The following UNC79 variants were observed in gnomAD, a reference collection of about 807,000 sequenced individuals.
UNC79 encodes unc-79 subunit of NALCN channel complex, also known as protein unc-79 homolog.
In UNC79, 37 loss-of-function variants were observed where a neutral mutation model predicts 283.1. The observed-to-expected ratio is 0.13, with a 90% CI of 0.10 to 0.17. The LOEUF is 0.17. UNC79 is among the 10% of genes least tolerant of loss of function. The pLI is 1.00. For synonymous variants in UNC79, 1,107 were observed against 1,200.2 expected (o/e 0.92, Z 1.61); for missense variants, 2,272 against 3,211.1 (o/e 0.71, Z 7.07).
chr14:93,425,149 G>A (rs2140078411), intron 1 of UNC79, among the ~76,000 whole-genome samples: 1 of 152,266 alleles, frequency 6.6e-6, no homozygotes, highest in East Asian at 1.9e-4. Flanking sequence ...GAGGCCTCAG[G>A]AAACTTAACA....
In UNC79 at chr14:93,605,954, C is replaced by T. The variant is rs142202397; in HGVS notation, c.3754+2536C>T. Among the ~76,000 whole-genome samples the T allele has an allele frequency of 9.9e-5, 15 of 152,236 alleles. No individual in the cohort carries two copies. The East Asian group carries it at 1.3e-3, about 14-fold the overall frequency. The stretch of plus-strand genomic sequence containing the variant: ...CCTTGCCTTACACATCGCTCATGTA[C>T]GCTACTGTGCTGTGATTTTTTTTAA... On this transcript the variant is annotated intron_variant, in intron 26 of 48. Transcript: ENST00000555664.
At chr14:93,477,880 G>T in intron 4 of UNC79, 152 bp downstream of exon 4, 1 of 738,900 alleles carries the variant, frequency 1.4e-6, no homozygotes, top group Non-Finnish European at 2.1e-6. Context: ...CTTTAGCATG[G>T]ATATTATGGC....
At chr14:93,450,936 G>C (rs2056618517) in intron 1 of UNC79, among the ~76,000 whole-genome samples, 1 of 151,786 alleles carries the variant, frequency 6.6e-6, no homozygotes, top group Admixed American at 6.6e-5. Flanking sequence ...CTTTTATTTT[G>C]TCTTTTGCTG....
chr14:93,572,046 C>G (rs757531776), exon 15 of UNC79: 1 of 1,614,070 alleles, frequency 6.2e-7, no homozygotes, highest in Non-Finnish European at 8.5e-7. Flanking sequence ...GAACAGAAGT[C>G]CCAGATAATC....
At chr14:93,689,487 CTTTT>C (rs57033556) in intron 44 of UNC79, 5 of 119,372 alleles carry the variant, frequency 4.2e-5, no homozygotes, top group Admixed American at 8.9e-5. Flanking sequence ...GAAGAAATTT[CTTTT>C]TTTTTTTTTT....
chr14:93,333,386 C>A lies in UNC79; in HGVS notation c.-488C>A, dbSNP rs538786404. On this transcript the variant is annotated 5_prime_UTR_variant, in exon 1 of 50. Transcript: ENST00000256339. ...TGGCCATTTCCACGAATTCATGTTT[C>A]CGTTCGGCGGCCGGCGTCCCTCGGG... 4.8e-4 allele frequency: 191 copies of A among 398,640 alleles called. 1 individual carries two copies. The highest frequency in any genetic ancestry group is 3.6e-3 in the African/African-American group (174 of 48,748). The allele number at this position is 398,640 out of a possible 1,614,324, so 24.7% of individuals were successfully genotyped here.
At chr14:93,371,850 A>C (rs972411907) in intron 1 of UNC79, among the ~76,000 whole-genome samples, 3 of 151,692 alleles carry the variant, frequency 2.0e-5, no homozygotes, top group South Asian at 2.1e-4. Context: ...AAAAAAAAAA[A>C]CCAAAAAAAA....
chr14:93,679,071 ATAGAT>A (rs1319921621), intron 41 of UNC79, among the ~76,000 whole-genome samples: 10 of 152,312 alleles, frequency 6.6e-5, no homozygotes, highest in African/African-American at 1.7e-4. Context: ...TGTTCTCAAG[ATAGAT>A]TAGAGTTTTC....
At chr14:93,446,296 T>C (rs571314612) in intron 1 of UNC79, among the ~76,000 whole-genome samples, 6 of 152,272 alleles carry the variant, frequency 3.9e-5, no homozygotes, top group East Asian at 1.9e-4. Flanking sequence ...TTAGGCGCAT[T>C]CCACCAGTTT....
At chr14:93,415,444 G>A (rs1566921368) in intron 1 of UNC79, among the ~76,000 whole-genome samples, 1 of 152,074 alleles carries the variant, frequency 6.6e-6, no homozygotes, top group Non-Finnish European at 1.5e-5. Flanking sequence ...AGGATTTTTT[G>A]CATCAATGTT....
At position 93,524,177 on chromosome 14, in the gene UNC79, A is replaced by G. The variant is rs58730110; in HGVS notation, c.963+135A>G. 4.7e-3 allele frequency: 4,554 copies of G among 973,540 alleles called. 136 individuals are homozygous for G. The highest frequency in any genetic ancestry group is 0.045 in the South Asian group (2,877 of 63,242). 60.3% of individuals were successfully genotyped at this position (973,540 alleles called of 1,614,324 possible). Reference sequence around the variant, plus strand: ...GTAATTCGAAGTACCTCCATATTCAATCTGATTGTACTTTGGCAGACTGGT... The same window carrying G: ...GTAATTCGAAGTACCTCCATATTCAGTCTGATTGTACTTTGGCAGACTGGT... On this transcript the variant is annotated intron_variant, in intron 8 of 48. Coordinates refer to ENST00000555664, the Ensembl canonical transcript of UNC79.
chr14:93,405,007 G>A (rs2055197677), intron 1 of UNC79, among the ~76,000 whole-genome samples: 1 of 152,088 alleles, frequency 6.6e-6, no homozygotes, highest in South Asian at 2.1e-4. Flanking sequence ...GAAGAGTCGG[G>A]AGGGGTGGTT....
chr14:93,675,089 T>G (rs895618624), intron 41 of UNC79, among the ~76,000 whole-genome samples: 8 of 152,226 alleles, frequency 5.3e-5, no homozygotes, highest in African/African-American at 1.9e-4. Context: ...ATCAGAAACC[T>G]AGAGTGACCT....
In UNC79 at chr14:93,630,420, G is replaced by A. The variant is rs540396506; in HGVS notation, c.5609-381G>A. On this transcript the variant is annotated intron_variant, in intron 30 of 48. Transcript: ENST00000555664. ...GCAAATGATAAGTAGGAAATTGTCA[G>A]ACAAAGGTGGAGTACCTAGACAGGA... is the stretch of plus-strand genomic sequence containing the variant. 2.6e-5 allele frequency among the ~76,000 whole-genome samples: 4 copies of A among 152,348 alleles called. No individual in the cohort carries two copies. The South Asian group carries it at 8.3e-4, about 32-fold the overall frequency.
chr14:93,489,893 G>A (rs922580303), intron 5 of UNC79, among the ~76,000 whole-genome samples: 2 of 152,198 alleles, frequency 1.3e-5, no homozygotes, highest in Middle Eastern at 3.2e-3. Flanking sequence ...GCTGGGGTCC[G>A]GTGCCCATGA....
chr14:93,654,588 A>T (rs961119004), intron 37 of UNC79, among the ~76,000 whole-genome samples: 1 of 150,752 alleles, frequency 6.6e-6, no homozygotes, highest in Non-Finnish European at 1.5e-5. Flanking sequence ...TTTAAAAATT[A>T]ACATAATTTA....
chr14:93,368,800 A>G (rs902558086), intron 1 of UNC79, among the ~76,000 whole-genome samples: 2 of 152,226 alleles, frequency 1.3e-5, no homozygotes, highest in African/African-American at 4.8e-5. Context: ...AGAATTGGAA[A>G]AGCTATTAAG....
chr14:93,591,889 G>A (rs1382143415), intron 22 of UNC79, among the ~76,000 whole-genome samples: 1 of 152,164 alleles, frequency 6.6e-6, no homozygotes, highest in Non-Finnish European at 1.5e-5. Context: ...GACAACACTT[G>A]AGCTCACCTG....
chr14:93,384,170 T>C (rs1224197516), intron 1 of UNC79, among the ~76,000 whole-genome samples: 2 of 152,248 alleles, frequency 1.3e-5, no homozygotes, highest in Non-Finnish European at 2.9e-5. Flanking sequence ...GGAGTGCAGA[T>C]ATCTCTTAGA....
Sources: allele counts gnomAD v4.1 joint callset (sites outside exome capture counted in the v4.1 genomes callset), GRCh38; gene constraint gnomAD v4.1.1; transcripts MANE v1.5; gene names NCBI Gene and HGNC (gene_info 2026-07-23, HGNC 2026-07-21).